Variants in ARHGAP26 observed in about 807,000 individuals in gnomAD.
ARHGAP26 encodes rho GTPase-activating protein 26.
A neutral mutation model predicts 104.8 loss-of-function variants in ARHGAP26; 38 were observed. The ratio of observed to expected loss-of-function variants is 0.36; its 90% CI spans 0.28 to 0.48. ARHGAP26 has a LOEUF of 0.48. Among genes scored for constraint, ARHGAP26 ranks in the 20% least tolerant of loss-of-function variants. ARHGAP26 has a pLI of 0.99. For synonymous variants in ARHGAP26, 341 were observed against 340.0 expected, an observed-to-expected ratio of 1.00 and a Z score of -0.03; for missense variants, 704 against 947.9, an observed-to-expected ratio of 0.74 and a Z score of 3.38.
intron 1 of ARHGAP26, among the ~76,000 whole-genome samples, chr5:142,826,230 A>G (rs1767231659): frequency 6.6e-6 from 1 of 152,184 alleles, no homozygotes; most frequent in Non-Finnish European, 1.5e-5. Flanking sequence ...TTATCAGGGA[A>G]CGGAGGCTGC....
chr5:143,158,863 A>T (rs971324652), intron 20 of ARHGAP26, among the ~76,000 whole-genome samples: 10 of 148,714 alleles, frequency 6.7e-5, no homozygotes, highest in Non-Finnish European at 7.5e-5. Context: ...GAAAACCAAG[A>T]TGTTATTGTC....
In ARHGAP26 at chr5:143,017,749, G is replaced by C. The variant is rs182111697; in HGVS notation, c.1144+3633G>C. ...CATAATTTGTGGTACACAGCACTTT[G>C]TATCTGTTTTTGTAGAGATGTACTC... On this transcript the variant is annotated intron_variant, in intron 12 of 22. Transcript: ENST00000645722. Among the ~76,000 whole-genome samples the C allele has an allele frequency of 4.9e-4, 74 of 152,222 alleles. 1 individual carries two copies. The East Asian group carries it at 0.013, about 26-fold the overall frequency.
chr5:142,972,647 T>C (rs961045287), intron 11 of ARHGAP26, among the ~76,000 whole-genome samples: 4 of 152,162 alleles, frequency 2.6e-5, no homozygotes, highest in Middle Eastern at 3.2e-3. Flanking sequence ...AGTTAACCAT[T>C]CTCTACCCCC....
chr5:143,142,333 T>C (rs185145235), intron 19 of ARHGAP26, among the ~76,000 whole-genome samples: 211 of 151,872 alleles, frequency 1.4e-3, no homozygotes, highest in African/African-American at 4.8e-3. Context: ...GAGATGGGGT[T>C]TCACCATACT....
At chr5:143,162,284 TACACACACAC>T (rs34577770) in intron 20 of ARHGAP26, among the ~76,000 whole-genome samples, 1 of 147,330 alleles carries the variant, frequency 6.8e-6, no homozygotes, top group East Asian at 2.0e-4. Context: ...AACACACACA[TACACACACAC>T]ACACACACAC....
chr5:143,166,782 T>C (rs1426508783), intron 20 of ARHGAP26, among the ~76,000 whole-genome samples: 2 of 152,228 alleles, frequency 1.3e-5, no homozygotes, highest in African/African-American at 4.8e-5. Flanking sequence ...CAGCAGGAAC[T>C]GAAGGTAGAG....
chr5:143,131,174 C>CCTGCT (rs1332047719), intron 18 of ARHGAP26, among the ~76,000 whole-genome samples: 3 of 152,184 alleles, frequency 2.0e-5, no homozygotes, highest in African/African-American at 7.2e-5. Flanking sequence ...CATGTCTCTT[C>CCTGCT]CTGCTCTGCT....
intron 20 of ARHGAP26, among the ~76,000 whole-genome samples, chr5:143,159,779 G>A (rs1235631756): frequency 1.3e-5 from 2 of 152,150 alleles, no homozygotes; most frequent in African/African-American, 4.8e-5. Flanking sequence ...GACACACATG[G>A]GTGGGTGTAA....
rs531339154 is a variant in ARHGAP26 at position 143,106,630 on chromosome 5, G to A, written c.1539-14358G>A. Among the ~76,000 whole-genome samples the A allele has an allele frequency of 5.1e-4, 78 of 151,940 alleles. 1 individual carries two copies. The highest frequency in any genetic ancestry group is 2.8e-4 in the Non-Finnish European group (19 of 67,936). ...TGGGACTACAGGCACGTGGCACCAC[G>A]CCCAGCTAATTTTTGTATTTTTAGT... On this transcript the variant is annotated intron_variant, in intron 17 of 22. Transcript: ENST00000645722.
Position 142,965,867 on chromosome 5 carries a change from A to C in ARHGAP26, c.1107+33742A>C. ...GATTTTGTTGGTCTCGTGTACTGGG[A>C]GTAGAGGGGAGTTTTTGAAAGTCAT... On this transcript the variant is annotated intron_variant, in intron 11 of 22. Coordinates refer to ENST00000645722, the MANE Select transcript of ARHGAP26 (RefSeq NM_001135608.3). Among the ~76,000 whole-genome samples the C allele has an allele frequency of 1.3e-5, 2 of 152,096 alleles. 1 individual carries two copies.
intron 20 of ARHGAP26, among the ~76,000 whole-genome samples, chr5:143,186,308 G>C (rs1019169241): frequency 2.6e-5 from 4 of 152,258 alleles, no homozygotes; most frequent in East Asian, 1.9e-4. Context: ...CCAACCCCAA[G>C]GAGGAAGTAA....
chr5:142,806,716 C>T (rs1763063261), intron 1 of ARHGAP26, among the ~76,000 whole-genome samples: 1 of 152,022 alleles, frequency 6.6e-6, no homozygotes, highest in Admixed American at 6.5e-5. Flanking sequence ...AGTTATGTAC[C>T]CCCCCACTAC....
At chr5:143,222,089 G>GTATGTC (rs1400637046) in intron 22 of ARHGAP26, among the ~76,000 whole-genome samples, 4 of 152,150 alleles carry the variant, frequency 2.6e-5, no homozygotes, top group Middle Eastern at 3.2e-3. Context: ...ACAAAATTTT[G>GTATGTC]TATGTCTGTG....
intron 2 of ARHGAP26, 35 bp downstream of exon 2, chr5:142,873,530 A>C: frequency 1.4e-6 from 2 of 1,398,318 alleles, no homozygotes; most frequent in South Asian, 1.4e-5. Context: ...AAAAATGTTC[A>C]TTGTTTGTCA....
chr5:143,115,358 CGAAA>C (rs66790725), intron 17 of ARHGAP26, among the ~76,000 whole-genome samples: 115,883 of 151,080 alleles, frequency 0.77, 47,710 homozygotes, highest in Non-Finnish European at 0.92. Flanking sequence ...CAACAAAAAA[CGAAA>C]GAAAGAAAAG....
intron 12 of ARHGAP26, chr5:143,014,419 G>C (rs998750904): frequency 2.6e-6 from 1 of 383,838 alleles, no homozygotes; most frequent in Non-Finnish European, 4.8e-6. Flanking sequence ...ACTATAGCTC[G>C]TCACCACTTA....
At position 143,228,851 on chromosome 5, in the gene ARHGAP26, C is replaced by T. The variant is rs1811856837; in HGVS notation, c.*6405C>T. The T allele has an allele frequency of 1.6e-5, 3 of 190,222 alleles. No individual in the cohort carries two copies. Among genetic ancestry groups the T allele is most frequent in the African/African-American group, 2.3e-5 (1 of 42,934 alleles). 11.8% of individuals were successfully genotyped at this position (190,222 alleles called of 1,614,324 possible). ...GCCATGTTCAGGCTTTTAAAAAATG[C>T]TTTTGTGTCACCAAATATATCTATA... On this transcript the variant is annotated 3_prime_UTR_variant, in exon 23 of 23. Transcript: ENST00000645722.
At chr5:143,165,664 C>T (rs1450695456) in intron 20 of ARHGAP26, among the ~76,000 whole-genome samples, 1 of 152,152 alleles carries the variant, frequency 6.6e-6, no homozygotes, top group Non-Finnish European at 1.5e-5. Flanking sequence ...GTACCCATCA[C>T]CCAATAATGA....
At chr5:143,141,442 G>A (rs1448707446) in intron 19 of ARHGAP26, among the ~76,000 whole-genome samples, 2 of 152,170 alleles carry the variant, frequency 1.3e-5, no homozygotes, top group African/African-American at 4.8e-5. Flanking sequence ...CAACTGGAGC[G>A]TGGCCCATAC....
Sources: gnomAD v4.1 joint callset for allele counts (sites outside exome capture counted in the v4.1 genomes callset) on GRCh38, gnomAD v4.1.1 for gene constraint, MANE v1.5 for transcripts, NCBI Gene and HGNC (gene_info 2026-07-23, HGNC 2026-07-21) for gene names.